CLTCL1: variants seen among roughly 807,000 people sequenced by gnomAD.
CLTCL1 encodes the protein clathrin heavy chain like 1.
In CLTCL1, 159 loss-of-function variants were observed where a neutral mutation model predicts 190.0. The ratio of observed to expected loss-of-function variants is 0.84; its 90% confidence interval spans 0.74 to 0.95. The LOEUF is 0.95. Among genes scored for constraint, CLTCL1 ranks in the 40% least tolerant of loss-of-function variants. The pLI is 0.00. For missense variants in CLTCL1, 1,878 were observed against 2,033.4 expected, an observed-to-expected ratio of 0.92 and a Z score of 1.47; for synonymous variants, 752 against 769.6, an observed-to-expected ratio of 0.98 and a Z score of 0.38.
At chr22:19,286,855 C>T (rs1555990396) in intron 1 of CLTCL1, among the ~76,000 whole-genome samples, 3 of 152,336 alleles carry the variant, frequency 2.0e-5, no homozygotes, top group African/African-American at 7.2e-5. Flanking sequence ...TTCTCACATG[C>T]AGCCTAGGTA....
intron 2 of CLTCL1, among the ~76,000 whole-genome samples, chr22:19,270,291 G>C (rs1265738721): frequency 6.6e-6 from 1 of 152,188 alleles, no homozygotes; most frequent in African/African-American, 2.4e-5. Flanking sequence ...GAAAGCAGAT[G>C]AGTTGCTGCC....
In CLTCL1 at chr22:19,258,751, T is replaced by C. The variant is rs1455994036; in HGVS notation, c.251-4524A>G. The C allele has an allele frequency of 1.3e-5, 9 of 692,206 alleles. No individual in the cohort carries two copies. The Admixed American group carries it at 1.5e-4, about 11-fold the overall frequency. 42.9% of individuals were successfully genotyped at this position (692,206 alleles called of 1,614,324 possible). A position where few individuals can be genotyped will look rare whatever the true frequency, so the allele number is the denominator to read the frequency against. On this transcript the variant is annotated intron_variant, in intron 2 of 32. Coordinates refer to ENST00000427926, the MANE Select transcript of CLTCL1 (RefSeq NM_007098.4). ...ATCCAAAAGACCACCACCTGCAGGA[T>C]AGTGGACGGCAAAGTGGTGTTTGAG...
chr22:19,208,394 C>G lies in CLTCL1; in HGVS notation c.3443-83G>C. 3 of 1,506,372 alleles carry G rather than the reference C, an allele frequency of 2.0e-6. No homozygotes were observed. In the South Asian group the frequency reaches 3.6e-5, roughly 18 times the overall value. The allele number at this position is 1,506,372 out of a possible 1,614,324, so 93.3% of individuals were successfully genotyped here. ...CAATTCCTCCCATTCTGTTCTCAGC[C>G]AGACACATTTACCCTCCAGTTATGT... On this transcript the variant is annotated intron_variant, in intron 21 of 32. Transcript: ENST00000427926.
intron 27 of CLTCL1, among the ~76,000 whole-genome samples, chr22:19,189,675 A>C (rs138034070): frequency 2.1e-3 from 314 of 152,296 alleles, no homozygotes; most frequent in African/African-American, 6.9e-3. Flanking sequence ...CTGAACCCCC[A>C]AAGTTATCCA....
chr22:19,196,316 G>GC lies in CLTCL1; in HGVS notation c.4140_4141insG (p.His1381AlafsTer4). 6.2e-7 allele frequency: 1 copy of GC among 1,613,918 alleles called. No homozygotes were observed. Among genetic ancestry groups the GC allele is most frequent in the Non-Finnish European group, 8.5e-7 (1 of 1,179,858 alleles). ...CCCTCCTTCCAGGCCTCAGTGGGGT[G>GC]GCTCATCATGGTGAGCACAGCATTG... On this transcript the variant is annotated frameshift_variant, in exon 26 of 33. Coordinates refer to ENST00000427926, the MANE Select transcript of CLTCL1 (RefSeq NM_007098.4). LOFTEE classifies it high-confidence loss of function.
intron 18 of CLTCL1, among the ~76,000 whole-genome samples, chr22:19,219,532 G>A (rs1601556729): frequency 6.7e-6 from 1 of 149,960 alleles, no homozygotes; most frequent in East Asian, 2.0e-4. Context: ...CGCCCAGGCT[G>A]GAGTGCAGTG....
intron 2 of CLTCL1, among the ~76,000 whole-genome samples, chr22:19,274,444 T>C (rs2087429245): frequency 6.6e-6 from 1 of 152,200 alleles, no homozygotes; most frequent in African/African-American, 2.4e-5. Context: ...ATTGTAATAA[T>C]TTCTAACCAA....
intron 11 of CLTCL1, among the ~76,000 whole-genome samples, chr22:19,228,477 G>A (rs1555957235): frequency 2.6e-5 from 4 of 152,210 alleles, no homozygotes; most frequent in Middle Eastern, 3.4e-3. Flanking sequence ...CACCAGAAAC[G>A]GTTACATACA....
At chr22:19,191,740 C>T (rs2084513871) in intron 26 of CLTCL1, among the ~76,000 whole-genome samples, 1 of 152,202 alleles carries the variant, frequency 6.6e-6, no homozygotes, top group Non-Finnish European at 1.5e-5. Flanking sequence ...GAAGTGTAAT[C>T]AGTCAGAATG....
At chr22:19,202,419 T>C (rs1555940287) in intron 22 of CLTCL1, among the ~76,000 whole-genome samples, 15 of 151,744 alleles carry the variant, frequency 9.9e-5, no homozygotes, top group South Asian at 2.1e-4. Context: ...CCACGGCACC[T>C]CCCGCACCAC....
chr22:19,274,948 C>A, intron 2 of CLTCL1, among the ~76,000 whole-genome samples: 1 of 152,064 alleles, frequency 6.6e-6, no homozygotes, highest in Middle Eastern at 3.4e-3. Flanking sequence ...GGCTAGTCTT[C>A]GAACTCCCAA....
At chr22:19,194,045 C>T (rs9605955) in intron 26 of CLTCL1, among the ~76,000 whole-genome samples, 57,199 of 152,064 alleles carry the variant, frequency 0.38, 11,611 homozygotes, top group South Asian at 0.54. Context: ...GCCCATTTTA[C>T]AGAGCGCTAA....
chr22:19,222,941 C>T (rs2085622832), intron 14 of CLTCL1, 132 bp from the exon 15 acceptor site: 2 of 1,065,900 alleles, frequency 1.9e-6, no homozygotes, highest in Admixed American at 2.6e-5. Context: ...AATGAGACTG[C>T]TCTAAATAGG....
intron 2 of CLTCL1, among the ~76,000 whole-genome samples, chr22:19,266,542 T>C (rs1468401725): frequency 6.6e-6 from 1 of 152,212 alleles, no homozygotes; most frequent in African/African-American, 2.4e-5. Flanking sequence ...TTTCAGAATA[T>C]AGAGGAAGAA....
chr22:19,181,255 C>CA (rs1210076307), intron 30 of CLTCL1: 16 of 165,806 alleles, frequency 9.6e-5, no homozygotes, highest in Non-Finnish European at 1.4e-4. Flanking sequence ...ATGTGGCTCT[C>CA]AGAGACAAGT....
At chr22:19,190,920 G>C (rs1037374303) in intron 27 of CLTCL1, among the ~76,000 whole-genome samples, 9 of 152,020 alleles carry the variant, frequency 5.9e-5, no homozygotes, top group Non-Finnish European at 1.0e-4. Flanking sequence ...TGGGACTACA[G>C]GTGCCCACCA....
chr22:19,235,181 T>G (rs1301917994), intron 6 of CLTCL1, among the ~76,000 whole-genome samples: 1 of 151,930 alleles, frequency 6.6e-6, no homozygotes, highest in Non-Finnish European at 1.5e-5. Context: ...TTTTTTTTTT[T>G]TCCCCTGAGA....
At chr22:19,229,011 G>A (rs2085839863) in intron 11 of CLTCL1, among the ~76,000 whole-genome samples, 1 of 152,170 alleles carries the variant, frequency 6.6e-6, no homozygotes, top group Non-Finnish European at 1.5e-5. Context: ...ACAGCCTCCT[G>A]GAATACAGTA....
At chr22:19,258,019 C>A in intron 2 of CLTCL1, 1 of 525,244 alleles carries the variant, frequency 1.9e-6, no homozygotes, top group South Asian at 1.5e-5. Context: ...ACTTTAGAGT[C>A]AAGTATGAGA....
Sources: gnomAD v4.1 joint callset for allele counts (sites outside exome capture counted in the v4.1 genomes callset) on GRCh38, gnomAD v4.1.1 for gene constraint, MANE v1.5 for transcripts, NCBI Gene and HGNC (gene_info 2026-07-23, HGNC 2026-07-21) for gene names.